CYP4F22: variants seen among roughly 807,000 people sequenced by gnomAD.
CYP4F22 encodes ultra-long-chain fatty acid omega-hydroxylase.
A neutral mutation model predicts 60.4 loss-of-function variants in CYP4F22; 37 were observed. That is an observed-to-expected ratio of 0.61 (90% CI 0.47 to 0.81). The LOEUF is 0.81. Among genes scored for constraint, CYP4F22 ranks in the 30% least tolerant of loss-of-function variants. CYP4F22 has a pLI of 0.00. For synonymous variants in CYP4F22, 258 were observed against 280.5 expected (o/e 0.92, Z 0.80); for missense variants, 655 against 715.0 (o/e 0.92, Z 0.96).
chr19:15,540,361 A>T, intron 7 of CYP4F22, 89 bp from the exon 8 acceptor site: 1 of 1,504,094 alleles, frequency 6.6e-7, no homozygotes, highest in Admixed American at 1.7e-5. Flanking sequence ...TATCTATTCA[A>T]TGGGGACAGG....
intron 4 of CYP4F22, 93 bp downstream of exon 4, chr19:15,529,946 C>A: frequency 6.5e-7 from 1 of 1,547,742 alleles, no homozygotes; most frequent in Non-Finnish European, 8.9e-7. Flanking sequence ...GAGGAAGGGT[C>A]ATTTGAATAG....
At chr19:15,538,527 C>T (rs1359313835) in intron 7 of CYP4F22, among the ~76,000 whole-genome samples, 1 of 152,174 alleles carries the variant, frequency 6.6e-6, no homozygotes, top group Admixed American at 6.5e-5. Context: ...TCATTGTGCA[C>T]CTACTACGTG....
intron 1 of CYP4F22, among the ~76,000 whole-genome samples, chr19:15,518,510 G>A (rs1361005211): frequency 4.7e-5 from 7 of 149,810 alleles, no homozygotes; most frequent in South Asian, 2.1e-4. Context: ...TTACCTGGGC[G>A]TGGTGGCAGG....
intron 4 of CYP4F22, among the ~76,000 whole-genome samples, chr19:15,535,528 G>C (rs1449147229): frequency 6.6e-6 from 1 of 152,142 alleles, no homozygotes; most frequent in Middle Eastern, 3.2e-3. Flanking sequence ...CCCCAAATCT[G>C]TTCAGTATAT....
chr19:15,546,208 G>T (rs1971524286), intron 10 of CYP4F22, among the ~76,000 whole-genome samples: 1 of 152,092 alleles, frequency 6.6e-6, no homozygotes, highest in South Asian at 2.1e-4. Flanking sequence ...ATCCCTGAGT[G>T]CAAGCAGTCC....
chr19:15,542,945 A>G (rs1971480426), intron 8 of CYP4F22, among the ~76,000 whole-genome samples: 1 of 152,218 alleles, frequency 6.6e-6, no homozygotes, highest in South Asian at 2.1e-4. Context: ...TTCTTTATCC[A>G]GTCTTTCATT....
intron 1 of CYP4F22, among the ~76,000 whole-genome samples, chr19:15,509,080 C>G (rs1376732838): frequency 6.6e-6 from 1 of 152,156 alleles, no homozygotes; most frequent in African/African-American, 2.4e-5. Flanking sequence ...CAACTGCTAT[C>G]AGGAACCCTC....
rs543412535 is a variant in CYP4F22, at chr19:15,515,417, G to A, written c.-109+6834G>A. On this transcript the variant is annotated intron_variant, in intron 1 of 13. Transcript: ENST00000269703. ...GTACTTTGTTGGTCCAACTCAGACA[G>A]CAACTTTAAGGTGTTCAGTGCAGCT... is the stretch of plus-strand genomic sequence containing the variant. The A allele has an allele frequency of 6.0e-5, 72 of 1,199,634 alleles. No homozygotes were observed. The African/African-American group carries it at 9.4e-4, about 16-fold the overall frequency. 74.3% of individuals were successfully genotyped at this position (1,199,634 alleles called of 1,614,324 possible). A position where few individuals can be genotyped will look rare whatever the true frequency, so the allele number is the denominator to read the frequency against.
intron 1 of CYP4F22, among the ~76,000 whole-genome samples, chr19:15,513,009 T>TCC (rs1241184487): frequency 1.3e-5 from 2 of 151,540 alleles, no homozygotes; most frequent in Non-Finnish European, 2.9e-5. Context: ...TCTCTCTCTC[T>TCC]CTCTTTTTTG....
At chr19:15,521,743 TC>T (rs1971228246) in intron 1 of CYP4F22, among the ~76,000 whole-genome samples, 1 of 152,156 alleles carries the variant, frequency 6.6e-6, no homozygotes, top group South Asian at 2.1e-4. Context: ...CGATCATAGC[TC>T]ACTGCAGCCT....
intron 10 of CYP4F22, among the ~76,000 whole-genome samples, chr19:15,546,302 G>A (rs12460157): frequency 0.073 from 11,081 of 152,116 alleles, 553 homozygotes; most frequent in East Asian, 0.29. Context: ...AGAGAACCTG[G>A]GCCAGGTGCA....
chr19:15,534,490 A>C (rs904375069), intron 4 of CYP4F22, among the ~76,000 whole-genome samples: 1 of 151,790 alleles, frequency 6.6e-6, no homozygotes, highest in East Asian at 1.9e-4. Context: ...TTTTTAAAAA[A>C]CATTTTTGTA....
chr19:15,546,096 T>G (rs1442913612), intron 10 of CYP4F22, among the ~76,000 whole-genome samples: 1 of 152,146 alleles, frequency 6.6e-6, no homozygotes, highest in African/African-American at 2.4e-5. Flanking sequence ...TGCCTCAGCC[T>G]CCTGAGTAGG....
Position 15,551,901 on chromosome 19 carries a change from C to G in CYP4F22, c.*430C>G, listed in dbSNP as rs551530110. ...AGGGCCCACCACACCCCACCCCCCCCCAACTGGCTGAACCCCTGGCAGGCT... is the reference window on the plus strand; with the variant it reads ...AGGGCCCACCACACCCCACCCCCCCGCAACTGGCTGAACCCCTGGCAGGCT... On this transcript the variant is annotated 3_prime_UTR_variant, in exon 14 of 14. Coordinates refer to ENST00000269703, the MANE Select transcript of CYP4F22 (RefSeq NM_173483.4). 4.4e-5 allele frequency: 8 copies of G among 181,540 alleles called. No individual in the cohort carries two copies. The highest frequency in any genetic ancestry group is 1.2e-4 in the South Asian group (1 of 8,324). 11.2% of individuals were successfully genotyped at this position (181,540 alleles called of 1,614,324 possible). A position where few individuals can be genotyped will look rare whatever the true frequency, so the allele number is the denominator to read the frequency against.
chr19:15,518,897 C>G (rs953108921), intron 1 of CYP4F22, among the ~76,000 whole-genome samples: 1 of 151,966 alleles, frequency 6.6e-6, no homozygotes, highest in Non-Finnish European at 1.5e-5. Context: ...CACTGCAGTG[C>G]TGGCCTGCTG....
Position 15,540,551 on chromosome 19 carries a change from C to A in CYP4F22, c.773C>A (p.Ser258Ter), listed in dbSNP as rs768889620. ...HHYLDFIYYR[S>*]ADGRRFRQAC... is the part of the protein sequence containing the mutation. The stretch of plus-strand genomic sequence containing the variant: ...TACCTCGACTTCATTTACTACCGCT[C>A]GGCGGATGGGCGGAGGTTCCGGCAG... The change falls in exon 8 of 14, where the codon TCG becomes TAG. Residue 258 changes from serine to a stop codon, truncating the protein, a stop_gained. Transcript: ENST00000269703. LOFTEE classifies it high-confidence loss of function. 6.2e-7 allele frequency: 1 copy of A among 1,614,104 alleles called. No homozygotes were observed. Among genetic ancestry groups the A allele is most frequent in the African/African-American group, 1.3e-5 (1 of 74,938 alleles).
intron 1 of CYP4F22, among the ~76,000 whole-genome samples, chr19:15,519,372 C>A (rs868269706): frequency 6.6e-6 from 1 of 152,078 alleles, no homozygotes; most frequent in Admixed American, 6.5e-5. Context: ...AAGCGATTCT[C>A]CTGCCTCAGC....
chr19:15,537,413 A>T lies in CYP4F22; in HGVS notation c.420A>T (p.Leu140=). ...TCTATGGCTTCCTAAAACCTTGGCT[A>T]GGTGAGTGCCCAGTGGGTAGGCTGG... is the stretch of plus-strand genomic sequence containing the variant. ...DLFYGFLKPW[L]GDGLLLSKGD... is the part of the protein sequence containing the mutation. Residue 140 remains leucine, a splice_region_variant and synonymous_variant, in exon 5 of 14, where the codon CTA becomes CTT. Coordinates refer to ENST00000269703, the MANE Select transcript of CYP4F22 (RefSeq NM_173483.4). 1.2e-6 allele frequency: 2 copies of T among 1,614,162 alleles called. No individual in the cohort carries two copies. Among genetic ancestry groups the T allele is most frequent in the Non-Finnish European group, 1.7e-6 (2 of 1,180,002 alleles).
At chr19:15,513,125 C>T (rs1172636793) in intron 1 of CYP4F22, among the ~76,000 whole-genome samples, 2 of 151,934 alleles carry the variant, frequency 1.3e-5, no homozygotes, top group Non-Finnish European at 2.9e-5. Context: ...CGCAGGGGTA[C>T]CAGGCTTTCC....
Sources: gnomAD v4.1 joint callset for allele counts (sites outside exome capture counted in the v4.1 genomes callset) on GRCh38, gnomAD v4.1.1 for gene constraint, MANE v1.5 for transcripts, NCBI Gene and HGNC (gene_info 2026-07-23, HGNC 2026-07-21) for gene names.